Variants in FOXR1 observed in about 807,000 individuals in gnomAD.
FOXR1 encodes forkhead box R1.
In FOXR1, 25 loss-of-function variants were observed where a neutral mutation model predicts 34.5. The ratio of observed to expected loss-of-function variants is 0.72; its 90% CI spans 0.53 to 1.01. FOXR1 has a LOEUF of 1.01. Among genes scored for constraint, FOXR1 ranks in the 50% least tolerant of loss-of-function variants. The probability of loss-of-function intolerance (pLI) is 0.00; values close to 1 mark genes in which losing one functional copy is unlikely to be tolerated. For synonymous variants in FOXR1, 153 were observed against 141.6 expected (o/e 1.08, Z -0.57); for missense variants, 373 against 376.2 (o/e 0.99, Z 0.07).
intron 1 of FOXR1, among the ~76,000 whole-genome samples, chr11:118,976,090 T>A (rs1941776202): frequency 6.6e-6 from 1 of 152,192 alleles, no homozygotes; most frequent in Non-Finnish European, 1.5e-5. Context: ...GGTGCATAAA[T>A]GAGGTTACGG....
chr11:118,976,670 A>G (rs1025853979), intron 1 of FOXR1, among the ~76,000 whole-genome samples: 14 of 152,204 alleles, frequency 9.2e-5, no homozygotes, highest in Non-Finnish European at 1.5e-4. Flanking sequence ...GTCCTGCCTG[A>G]TTGCTCTTAA....
intron 3 of FOXR1, 103 bp downstream of exon 3, chr11:118,979,307 G>A (rs1040508558): frequency 3.3e-6 from 5 of 1,494,112 alleles, no homozygotes; most frequent in Non-Finnish European, 3.6e-6. Context: ...AAGGTGAATG[G>A]GTTCAGAAAT....
intron 4 of FOXR1, 23 bp downstream of exon 4, chr11:118,979,691 G>A (rs1941830385): frequency 1.9e-6 from 3 of 1,552,386 alleles, no homozygotes; most frequent in African/African-American, 1.4e-5. Flanking sequence ...GGCCCTGCGA[G>A]GAGGGGGAAG....
chr11:118,980,803 C>G (rs1211560826), intron 5 of FOXR1, 75 bp downstream of exon 5: 1 of 1,389,076 alleles, frequency 7.2e-7, no homozygotes, highest in Admixed American at 2.0e-5. Flanking sequence ...GTGTGGAAGC[C>G]TGGGTCACAC....
chr11:118,979,077 C>G lies in FOXR1; in HGVS notation c.257C>G (p.Ser86Cys). The change falls in exon 3 of 6, where the codon TCT becomes TGT. Residue 86 changes from serine to cysteine, a missense_variant. By Grantham distance (112) the Ser-to-Cys change is moderately radical. Transcript: ENST00000317011. ...REDLTSTLPS[S>C]QPPQKEEDAS... The stretch of plus-strand genomic sequence containing the variant: ...GACCTGACAAGCACACTCCCCTCCT[C>G]TCAGCCACCCCAGAAGGAGGAAGAT... The G allele has an allele frequency of 6.2e-7, 1 of 1,606,902 alleles. No individual in the cohort carries two copies. Among genetic ancestry groups the G allele is most frequent in the Non-Finnish European group, 8.5e-7 (1 of 1,176,804 alleles).
chr11:118,980,096 C>A, intron 4 of FOXR1: 2 of 454,012 alleles, frequency 4.4e-6, no homozygotes, highest in South Asian at 3.4e-5. Flanking sequence ...CCATTTAGCT[C>A]AGATAGTCCT....
At position 118,978,184 on chromosome 11, in the gene FOXR1, C is replaced by T. The variant is rs1277887720; in HGVS notation, c.62-598C>T. Among the ~76,000 whole-genome samples, 8 of 151,670 alleles carry T rather than the reference C, an allele frequency of 5.3e-5. 1 individual carries two copies. Among genetic ancestry groups the T allele is most frequent in the Admixed American group, 4.0e-4 (6 of 15,178 alleles). ...AGTGAGCCAAGATCGCGCCACTACACTCCAGCCTGGGCGACAGAGCGAGAC... is the reference window on the plus strand; with the variant it reads ...AGTGAGCCAAGATCGCGCCACTACATTCCAGCCTGGGCGACAGAGCGAGAC... On this transcript the variant is annotated intron_variant, in intron 1 of 5. Coordinates refer to ENST00000317011, the MANE Select transcript of FOXR1 (RefSeq NM_181721.3).
At chr11:118,979,400 G>T in intron 3 of FOXR1, 42 bp from the exon 4 acceptor site, 1 of 1,528,840 alleles carries the variant, frequency 6.5e-7, no homozygotes, top group Non-Finnish European at 8.8e-7. Context: ...CTGGAGTAGA[G>T]GCTGAGGAGT....
intron 1 of FOXR1, among the ~76,000 whole-genome samples, chr11:118,973,077 C>A (rs1941736551): frequency 8.4e-6 from 1 of 118,802 alleles, no homozygotes; most frequent in South Asian, 3.1e-4. Flanking sequence ...GGCTGGGTGT[C>A]CCACCTTTTA....
At chr11:118,976,467 G>T (rs774854552) in intron 1 of FOXR1, among the ~76,000 whole-genome samples, 1 of 152,232 alleles carries the variant, frequency 6.6e-6, no homozygotes, top group Non-Finnish European at 1.5e-5. Context: ...CTCTTAAAGT[G>T]CTGGGATTAC....
chr11:118,972,133 C>CCA, intron 1 of FOXR1, 141 bp downstream of exon 1: 1 of 575,038 alleles, frequency 1.7e-6, no homozygotes, highest in Non-Finnish European at 2.8e-6. Context: ...CCCCGCGCCC[C>CCA]CCCCCCCCGA....
chr11:118,978,759 C>T (rs1941808284), intron 1 of FOXR1, 23 bp from the exon 2 acceptor site: 1 of 1,613,274 alleles, frequency 6.2e-7, no homozygotes, highest in African/African-American at 1.3e-5. Context: ...TGTTTTGACT[C>T]TCTCTGTCTT....
intron 1 of FOXR1, among the ~76,000 whole-genome samples, chr11:118,975,414 T>TTTC (rs1311706136): frequency 6.6e-6 from 1 of 151,534 alleles, no homozygotes; most frequent in South Asian, 2.1e-4. Context: ...TTTCTTTTTC[T>TTTC]TTCTTCTTTT....
chr11:118,980,266 G>A (rs536198595), intron 4 of FOXR1: 7 of 687,024 alleles, frequency 1.0e-5, no homozygotes, highest in Middle Eastern at 2.3e-4. Context: ...TCATGCTGTG[G>A]TCCAAGCCCT....
At position 118,979,550 on chromosome 11, in the gene FOXR1, A is replaced by G; in HGVS notation, c.493A>G (p.Ser165Gly). 6.2e-7 allele frequency: 1 copy of G among 1,613,662 alleles called. No homozygotes were observed. The highest frequency in any genetic ancestry group is 8.5e-7 in the Non-Finnish European group (1 of 1,179,788). Residue 165 changes from serine to glycine, a missense_variant, in exon 4 of 6, where the codon AGC becomes GGC. Coordinates refer to ENST00000317011, the MANE Select transcript of FOXR1 (RefSeq NM_181721.3). ...GAGTCGGAGGCTTCGGCAAGCCAGC[A>G]GCCAGGCGGGGAGGCTCTGGTCCCG... ...LQSRRLRQAS[S>G]QAGRLWSRPP... is the part of the protein sequence containing the mutation.
In FOXR1 at chr11:118,971,943, G is replaced by C; in HGVS notation, c.12G>C (p.Glu4Asp). The C allele has an allele frequency of 6.4e-7, 1 of 1,555,636 alleles. No homozygotes were observed. The highest frequency in any genetic ancestry group is 8.7e-7 in the Non-Finnish European group (1 of 1,148,956). The change falls in exon 1 of 6, where the codon GAG (glutamate) becomes GAC (aspartate). Residue 4 changes from glutamate (E) to aspartate (D), a missense_variant. Coordinates refer to ENST00000317011, the MANE Select transcript of FOXR1 (RefSeq NM_181721.3). MGN[E>D]LFLAFTTSHL... ...TGCTGGACTGGGACATGGGGAACGAGCTCTTTCTGGCCTTCACCACATCTC... is the reference window on the plus strand; with the variant it reads ...TGCTGGACTGGGACATGGGGAACGACCTCTTTCTGGCCTTCACCACATCTC...
intron 1 of FOXR1, among the ~76,000 whole-genome samples, chr11:118,976,906 G>C (rs1301292227): frequency 3.3e-5 from 5 of 152,070 alleles, no homozygotes. Context: ...TTCTAAGTTT[G>C]TGTTGACCTT....
At chr11:118,976,170 T>G (rs1447586046) in intron 1 of FOXR1, among the ~76,000 whole-genome samples, 8 of 152,090 alleles carry the variant, frequency 5.3e-5, no homozygotes, top group Non-Finnish European at 1.2e-4. Context: ...TCAAACTCGC[T>G]GGAGAAGAGT....
chr11:118,979,357 C>G, intron 3 of FOXR1, 85 bp from the exon 4 acceptor site: 1 of 1,476,926 alleles, frequency 6.8e-7, no homozygotes, highest in Non-Finnish European at 9.1e-7. Flanking sequence ...CAAATGGTGG[C>G]CTTAGACCAC....
Sources: allele counts gnomAD v4.1 joint callset (sites outside exome capture counted in the v4.1 genomes callset), GRCh38; gene constraint gnomAD v4.1.1; transcripts MANE v1.5; gene names NCBI Gene and HGNC (gene_info 2026-07-23, HGNC 2026-07-21).